Variants in DENND1A observed in about 807,000 individuals in gnomAD.
The protein encoded by DENND1A is DENN domain containing 1A.
DENND1A carries 51 observed loss-of-function variants against 113.7 expected under a neutral mutation model. The ratio of observed to expected loss-of-function variants is 0.45; its 90% confidence interval spans 0.36 to 0.57. The LOEUF (loss-of-function observed/expected upper bound fraction) is 0.57. DENND1A is among the 20% of genes least tolerant of loss of function. The pLI, the probability that DENND1A is intolerant of heterozygous loss-of-function variation, is 0.00. For missense variants in DENND1A, 1,258 were observed against 1,395.9 expected (o/e 0.90, Z 1.57); for synonymous variants, 565 against 570.8 (o/e 0.99, Z 0.14).
In DENND1A at chr9:123,652,078, A is replaced by G. The variant is rs2062690307; in HGVS notation, c.553T>C (p.Leu185=). The stretch of plus-strand genomic sequence containing the variant: ...TACAGCATACTGGCGTACAGATGCA[A>G]CATGTTGTTAACATCCACAGCCACA... ...YFVAVDVNNM[L]HLYASMLYER... is the part of the protein sequence containing the mutation. Residue 185 remains leucine, a synonymous_variant, in exon 9 of 24, where the codon TTG becomes CTG. Transcript: ENST00000394215. The G allele has an allele frequency of 6.2e-7, 1 of 1,614,212 alleles. No individual in the cohort carries two copies. The highest frequency in any genetic ancestry group is 1.1e-5 in the South Asian group (1 of 91,082).
At chr9:123,494,699 AC>A (rs1186670622) in intron 13 of DENND1A, among the ~76,000 whole-genome samples, 1 of 151,900 alleles carries the variant, frequency 6.6e-6, no homozygotes, top group Non-Finnish European at 1.5e-5. Flanking sequence ...TAGAAGCCTT[AC>A]CCCACCTTCT....
At chr9:123,531,368 T>C (rs1481561203) in intron 13 of DENND1A, among the ~76,000 whole-genome samples, 2 of 152,192 alleles carry the variant, frequency 1.3e-5, no homozygotes, top group Admixed American at 1.3e-4. Flanking sequence ...GACTTCATTT[T>C]TAAAAAATCT....
At chr9:123,434,081 C>T (rs1363416339) in intron 19 of DENND1A, among the ~76,000 whole-genome samples, 2 of 152,224 alleles carry the variant, frequency 1.3e-5, no homozygotes, top group African/African-American at 2.4e-5. Flanking sequence ...GGCTGGCGTG[C>T]GGTGGCACAA....
chr9:123,448,715 A>G (rs1426501909), intron 18 of DENND1A, among the ~76,000 whole-genome samples: 1 of 152,256 alleles, frequency 6.6e-6, no homozygotes, highest in Non-Finnish European at 1.5e-5. Context: ...TTTACATTAC[A>G]GAGCTTTTAT....
chr9:123,470,811 C>T (rs2049352099), intron 13 of DENND1A, among the ~76,000 whole-genome samples: 1 of 152,164 alleles, frequency 6.6e-6, no homozygotes, highest in African/African-American at 2.4e-5. Flanking sequence ...GATTAATTGT[C>T]AGAATTATTT....
At chr9:123,580,685 A>C (rs1355248657) in intron 12 of DENND1A, among the ~76,000 whole-genome samples, 1 of 152,182 alleles carries the variant, frequency 6.6e-6, no homozygotes, top group Non-Finnish European at 1.5e-5. Flanking sequence ...TGTCCACTGA[A>C]AGGAAACAGG....
intron 5 of DENND1A, among the ~76,000 whole-genome samples, chr9:123,705,052 C>T (rs940178067): frequency 1.4e-5 from 2 of 142,760 alleles, no homozygotes; most frequent in African/African-American, 5.7e-5. Flanking sequence ...TGCTGAAATC[C>T]CACGCAAGAT....
intron 11 of DENND1A, among the ~76,000 whole-genome samples, chr9:123,607,317 C>T (rs530364175): frequency 8.6e-5 from 13 of 150,828 alleles, no homozygotes; most frequent in Non-Finnish European, 1.3e-4. Context: ...GGGCGAGAGA[C>T]GTTTTGGAGC....
chr9:123,824,340 C>G (rs910045776), intron 2 of DENND1A, among the ~76,000 whole-genome samples: 1 of 152,120 alleles, frequency 6.6e-6, no homozygotes, highest in Non-Finnish European at 1.5e-5. Flanking sequence ...CAATCACTTG[C>G]CAACAATAGA....
At chr9:123,504,121 C>A (rs2052715838) in intron 13 of DENND1A, among the ~76,000 whole-genome samples, 1 of 152,200 alleles carries the variant, frequency 6.6e-6, no homozygotes, top group African/African-American at 2.4e-5. Flanking sequence ...GCTGCAAGCA[C>A]ACAGAAATGA....
At position 123,796,911 on chromosome 9, in the gene DENND1A, C is replaced by T. The variant is rs575496271; in HGVS notation, c.89-4281G>A. On this transcript the variant is annotated intron_variant, in intron 2 of 23. Coordinates refer to ENST00000394215, the MANE Select transcript of DENND1A (RefSeq NM_001352964.2). ...CACCGACTTCACTTTGTACAAAACA[C>T]GTTAACAACTGCATACTAACCAAAC... is the stretch of plus-strand genomic sequence containing the variant. Among the ~76,000 whole-genome samples, 7 of 152,188 alleles carry T rather than the reference C, an allele frequency of 4.6e-5. No homozygotes were observed. The East Asian group carries it at 9.7e-4, about 21-fold the overall frequency.
rs184219306 is a variant in DENND1A, at chr9:123,912,328, A to G, written c.17+17561T>C. 7.9e-5 allele frequency among the ~76,000 whole-genome samples: 12 copies of G among 152,322 alleles called. No individual in the cohort carries two copies. In the East Asian group the frequency reaches 2.3e-3, roughly 29 times the overall value. ...TGACCTCAGGACCCAAGGAGTGAGC[A>G]GAGATGAGTCCCCTGGGTTTTTCCT... On this transcript the variant is annotated intron_variant, in intron 1 of 23. Transcript: ENST00000394215.
chr9:123,612,745 G>A (rs931987926), intron 10 of DENND1A, among the ~76,000 whole-genome samples: 1 of 152,114 alleles, frequency 6.6e-6, no homozygotes, highest in East Asian at 1.9e-4. Flanking sequence ...CCTAGACACC[G>A]AATTACTAAA....
chr9:123,881,962 T>A (rs1848372288), intron 1 of DENND1A, among the ~76,000 whole-genome samples: 1 of 152,180 alleles, frequency 6.6e-6, no homozygotes, highest in South Asian at 2.1e-4. Context: ...CCTCCTTGAA[T>A]GTCTTTCTTT....
At chr9:123,532,681 T>G (rs1395173456) in intron 13 of DENND1A, among the ~76,000 whole-genome samples, 1 of 152,218 alleles carries the variant, frequency 6.6e-6, no homozygotes, top group Non-Finnish European at 1.5e-5. Flanking sequence ...AAATGGCAGT[T>G]ACCCAACTGC....
At chr9:123,655,479 A>G (rs1167263814) in intron 8 of DENND1A, among the ~76,000 whole-genome samples, 4 of 152,212 alleles carry the variant, frequency 2.6e-5, no homozygotes, top group African/African-American at 4.8e-5. Context: ...TTACTCAGTA[A>G]TGGTGAAGAA....
Position 123,516,597 on chromosome 9 carries a change from A to G in DENND1A, c.993+40973T>C, listed in dbSNP as rs556007479. On this transcript the variant is annotated intron_variant, in intron 13 of 23. Coordinates refer to ENST00000394215, the MANE Select transcript of DENND1A (RefSeq NM_001352964.2). ...ATCTATGGAATGTTAATAAGAATGG[A>G]CAATAGTAGGCCAGGCACGGTGGCT... Among the ~76,000 whole-genome samples the G allele has an allele frequency of 4.1e-4, 62 of 152,280 alleles. 1 individual carries two copies. The highest frequency in any genetic ancestry group is 1.3e-3 in the African/African-American group (56 of 41,562).
chr9:123,607,549 T>A (rs7868450), intron 11 of DENND1A, among the ~76,000 whole-genome samples: 711 of 61,932 alleles, frequency 0.011, 3 homozygotes, highest in East Asian at 0.018. Context: ...AGAGAGAGAG[T>A]GTGTGTGTGT....
intron 11 of DENND1A, among the ~76,000 whole-genome samples, chr9:123,584,874 T>C (rs2059087063): frequency 6.6e-6 from 1 of 152,106 alleles, no homozygotes; most frequent in African/African-American, 2.4e-5. Flanking sequence ...CCTGCTGGGG[T>C]GTGGGCTCCT....
Sources: allele counts gnomAD v4.1 joint callset (sites outside exome capture counted in the v4.1 genomes callset), GRCh38; gene constraint gnomAD v4.1.1; transcripts MANE v1.5; gene names NCBI Gene and HGNC (gene_info 2026-07-23, HGNC 2026-07-21).